Variants in RBM26 observed in about 807,000 individuals in gnomAD.
RBM26 encodes the protein RNA-binding protein 26.
Under a neutral mutation model 123.6 loss-of-function variants are expected in RBM26, and 30 were observed. The observed-to-expected ratio is 0.24, with a 90% CI of 0.18 to 0.33. RBM26 has a LOEUF of 0.33. Among genes scored for constraint, RBM26 ranks in the 10% least tolerant of loss-of-function variants. The pLI is 1.00. For synonymous variants in RBM26, 400 were observed against 404.4 expected (o/e 0.99, Z 0.13); for missense variants, 947 against 1,203.6 (o/e 0.79, Z 3.15).
intron 17 of RBM26, among the ~76,000 whole-genome samples, chr13:79,342,064 TTAG>T (rs2071475743): frequency 1.3e-5 from 2 of 151,844 alleles, no homozygotes; most frequent in Non-Finnish European, 3.0e-5. Flanking sequence ...TATATTGATA[TTAG>T]TGGAACGAAG....
intron 9 of RBM26, 97 bp downstream of exon 9, chr13:79,365,481 T>C: frequency 2.1e-6 from 2 of 948,998 alleles, no homozygotes; most frequent in Non-Finnish European, 3.3e-6. Context: ...CCATTCCTTA[T>C]CCAACCCCAA....
At chr13:79,382,448 AGT>A (rs1173147557) in intron 1 of RBM26, among the ~76,000 whole-genome samples, 1 of 152,130 alleles carries the variant, frequency 6.6e-6, no homozygotes, top group East Asian at 1.9e-4. Flanking sequence ...AAAAGAATCA[AGT>A]TTTGAAAAGT....
At chr13:79,313,645 A>G (rs1439624130) in exon 5 of RBM26, 1 of 151,770 alleles carries the variant, frequency 6.6e-6, no homozygotes, top group Non-Finnish European at 1.5e-5. Context: ...AACAACAACA[A>G]CAAAAAAAGG....
intron 20 of RBM26, among the ~76,000 whole-genome samples, chr13:79,327,960 C>G (rs1204385803): frequency 6.6e-6 from 1 of 151,942 alleles, no homozygotes; most frequent in Non-Finnish European, 1.5e-5. Context: ...AAAACCTTAA[C>G]ACTAGTAATA....
chr13:79,395,769 T>G (rs879448780), intron 1 of RBM26, among the ~76,000 whole-genome samples: 1 of 151,432 alleles, frequency 6.6e-6, no homozygotes, highest in Non-Finnish European at 1.5e-5. Flanking sequence ...AACAAAAAAA[T>G]GGAAAATAAA....
At chr13:79,364,096 T>A (rs1328788927) in intron 9 of RBM26, among the ~76,000 whole-genome samples, 1 of 151,522 alleles carries the variant, frequency 6.6e-6, no homozygotes, top group Non-Finnish European at 1.5e-5. Context: ...AAGGAATCCA[T>A]ATATCCCTCA....
At chr13:79,386,591 TAA>T (rs398023598) in intron 1 of RBM26, among the ~76,000 whole-genome samples, 5,733 of 92,828 alleles carry the variant, frequency 0.062, 211 homozygotes, top group Middle Eastern at 0.21. Flanking sequence ...ACTCTCTCTT[TAA>T]AAAAAAAAAA....
intron 11 of RBM26, among the ~76,000 whole-genome samples, chr13:79,355,944 A>C (rs9318627): frequency 0.3 from 45,112 of 152,184 alleles, 8,214 homozygotes; most frequent in Non-Finnish European, 0.41. Flanking sequence ...TTCTATAGAC[A>C]CTTACAGCTA....
chr13:79,342,554 G>T, intron 17 of RBM26, 110 bp downstream of exon 17: 1 of 810,872 alleles, frequency 1.2e-6, no homozygotes, highest in Non-Finnish European at 2.0e-6. Context: ...TACATACAAT[G>T]GTCAGATTTT....
At chr13:79,402,173 G>A (rs2079107057) in intron 1 of RBM26, among the ~76,000 whole-genome samples, 1 of 151,530 alleles carries the variant, frequency 6.6e-6, no homozygotes, top group African/African-American at 2.4e-5. Context: ...TCATCAAAAC[G>A]AAATGTTAGA....
intron 6 of RBM26, 89 bp from the exon 7 acceptor site, chr13:79,366,961 T>C (rs573150234): frequency 3.5e-6 from 4 of 1,139,642 alleles, no homozygotes; most frequent in African/African-American, 3.2e-5. Flanking sequence ...TATTTAAAAA[T>C]ATGAATATTT....
chr13:79,404,551 A>G (rs1441639017), intron 1 of RBM26, among the ~76,000 whole-genome samples: 1 of 152,090 alleles, frequency 6.6e-6, no homozygotes. Flanking sequence ...TGTTGCCTTT[A>G]TATCCTCTCC....
chr13:79,352,564 A>T (rs190584225), intron 14 of RBM26, among the ~76,000 whole-genome samples: 167 of 152,256 alleles, frequency 1.1e-3, no homozygotes, highest in Admixed American at 3.9e-3. Context: ...AAAAAAAGAA[A>T]TGACTATATG....
intron 1 of RBM26, among the ~76,000 whole-genome samples, chr13:79,403,384 C>T (rs2079216512): frequency 6.6e-6 from 1 of 152,050 alleles, no homozygotes; most frequent in African/African-American, 2.4e-5. Context: ...CTTTATGATA[C>T]ATGGAATATG....
chr13:79,384,241 A>C (rs2077294896), intron 1 of RBM26, among the ~76,000 whole-genome samples: 2 of 48,148 alleles, frequency 4.2e-5, no homozygotes, highest in African/African-American at 7.6e-5. Flanking sequence ...TACAGCTAAT[A>C]AAGTTTTTTT....
At chr13:79,343,015 TCTCAA>T (rs1221438390) in intron 16 of RBM26, among the ~76,000 whole-genome samples, 184 bp from the exon 17 acceptor site, 3 of 151,924 alleles carry the variant, frequency 2.0e-5, no homozygotes, top group East Asian at 1.9e-4. Flanking sequence ...ATGCTAACTA[TCTCAA>T]CTCAAGTTTT....
intron 9 of RBM26, 120 bp from the exon 10 acceptor site, chr13:79,359,806 AT>A (rs762464104): frequency 0.42 from 83,270 of 196,696 alleles, 18,138 homozygotes; most frequent in African/African-American, 0.55. Context: ...ATATATATAT[AT>A]AATTTTTTTT....
intron 9 of RBM26, 74 bp downstream of exon 9, chr13:79,365,504 C>T: frequency 8.2e-7 from 1 of 1,213,698 alleles, no homozygotes; most frequent in Non-Finnish European, 1.2e-6. Context: ...AAGGCAAGAC[C>T]AACTGTTCTT....
intron 6 of RBM26, among the ~76,000 whole-genome samples, chr13:79,367,508 T>TG (rs1407009255): frequency 1.3e-5 from 2 of 150,150 alleles, no homozygotes; most frequent in Non-Finnish European, 3.0e-5. Flanking sequence ...GTTAGGGTCA[T>TG]GGGGGTAGAT....
Sources: gnomAD v4.1 joint callset for allele counts (sites outside exome capture counted in the v4.1 genomes callset) on GRCh38, gnomAD v4.1.1 for gene constraint, MANE v1.5 for transcripts, NCBI Gene and HGNC (gene_info 2026-07-23, HGNC 2026-07-21) for gene names.